Variants in REV3L observed in about 807,000 individuals in gnomAD.
REV3L encodes the protein REV3 like, DNA directed polymerase zeta catalytic subunit.
REV3L carries 69 observed loss-of-function variants against 299.4 expected under a neutral mutation model. That is an observed-to-expected ratio of 0.23 (90% CI 0.19 to 0.28). The LOEUF (loss-of-function observed/expected upper bound fraction) is 0.28. REV3L is among the 10% of genes least tolerant of loss of function. The pLI is 1.00. For missense variants in REV3L, 3,128 were observed against 3,693.8 expected (o/e 0.85, Z 3.97); for synonymous variants, 1,238 against 1,271.4 (o/e 0.97, Z 0.56).
intron 26 of REV3L, among the ~76,000 whole-genome samples, chr6:111,316,224 TAA>T (rs75805183): frequency 5.7e-4 from 59 of 104,114 alleles, no homozygotes; most frequent in Non-Finnish European, 5.8e-4. Context: ...GGACTCCATC[TAA>T]AAAAAAAAAA....
intron 18 of REV3L, among the ~76,000 whole-genome samples, chr6:111,356,357 TTAA>T (rs1405806038): frequency 6.6e-6 from 1 of 152,176 alleles, no homozygotes; most frequent in African/African-American, 2.4e-5. Flanking sequence ...AATTATCCAC[TTAA>T]TGATTTTATT....
At chr6:111,449,490 C>G (rs917529947) in intron 1 of REV3L, among the ~76,000 whole-genome samples, 2 of 152,116 alleles carry the variant, frequency 1.3e-5, no homozygotes, top group Admixed American at 6.5e-5. Context: ...GTACCTAAAG[C>G]AGAAAAATAA....
intron 9 of REV3L, among the ~76,000 whole-genome samples, chr6:111,386,883 G>A (rs140834896): frequency 7.2e-4 from 109 of 151,718 alleles, no homozygotes; most frequent in Middle Eastern, 3.4e-3. Flanking sequence ...CACCACGCCC[G>A]GCTAATTTTT....
chr6:111,343,388 C>A (rs2114902596), intron 21 of REV3L, among the ~76,000 whole-genome samples: 1 of 152,170 alleles, frequency 6.6e-6, no homozygotes, highest in East Asian at 1.9e-4. Flanking sequence ...TAGTAATTAT[C>A]TAGATGATTA....
chr6:111,468,497 C>G (rs922709145), intron 1 of REV3L, among the ~76,000 whole-genome samples: 5 of 152,056 alleles, frequency 3.3e-5, no homozygotes, highest in African/African-American at 9.7e-5. Flanking sequence ...GAAGGAAATA[C>G]CATAAGGGCC....
At position 111,374,850 on chromosome 6, in the gene REV3L, G is replaced by T; in HGVS notation, c.3505C>A (p.Arg1169Ser). 1.2e-6 allele frequency: 2 copies of T among 1,613,752 alleles called. No homozygotes were observed. Among genetic ancestry groups the T allele is most frequent in the South Asian group, 2.2e-5 (2 of 90,984 alleles). Reference protein sequence around the residue: ...TVNSRIGKTSRARAQIKKSKA... With the variant: ...TVNSRIGKTSSARAQIKKSKA... ...GATTTCTTAATCTGTGCTCTTGCGCGACTAGTTTTTCCTATACGAGAATTA... is the reference window on the plus strand; with the variant it reads ...GATTTCTTAATCTGTGCTCTTGCGCTACTAGTTTTTCCTATACGAGAATTA... The change falls in exon 13 of 32, where the codon CGC becomes AGC. Residue 1169 changes from arginine (R) to serine (S), a missense_variant. Around this residue, in one of 9 missense-constraint regions of REV3L, gnomAD observed 2,409 missense variants for 2,611.8 expected, o/e 0.92. Transcript: ENST00000368802.
chr6:111,409,938 T>C (rs1156316274), intron 3 of REV3L, among the ~76,000 whole-genome samples: 1 of 152,224 alleles, frequency 6.6e-6, no homozygotes, highest in Non-Finnish European at 1.5e-5. Context: ...CCCCAGCTTG[T>C]TGTAAGTTCC....
intron 1 of REV3L, chr6:111,430,630 G>C: frequency 6.6e-7 from 1 of 1,526,258 alleles, no homozygotes; most frequent in Non-Finnish European, 9.1e-7. Context: ...GGGGAGGACA[G>C]AGGCTGCTGG....
At chr6:111,354,862 G>A (rs79699336) in intron 18 of REV3L, among the ~76,000 whole-genome samples, 1 of 151,962 alleles carries the variant, frequency 6.6e-6, no homozygotes, top group Non-Finnish European at 1.5e-5. Flanking sequence ...TTCACAGTTA[G>A]TATTTTAAGT....
intron 1 of REV3L, among the ~76,000 whole-genome samples, chr6:111,442,094 AT>A (rs1788332393): frequency 6.6e-6 from 1 of 152,208 alleles, no homozygotes; most frequent in South Asian, 2.1e-4. Flanking sequence ...CAAATGTTAC[AT>A]GTGACCTTGT....
At chr6:111,445,289 C>G (rs1788712900) in intron 1 of REV3L, among the ~76,000 whole-genome samples, 1 of 152,106 alleles carries the variant, frequency 6.6e-6, no homozygotes, top group Non-Finnish European at 1.5e-5. Context: ...TGCTCACTAC[C>G]TGGGTAACGG....
At chr6:111,475,031 TTTA>T (rs1046024419) in intron 1 of REV3L, among the ~76,000 whole-genome samples, 18 of 147,088 alleles carry the variant, frequency 1.2e-4, no homozygotes, top group Non-Finnish European at 2.2e-4. Context: ...ACATATGGAT[TTTA>T]TTATAATAAA....
At chr6:111,378,725 AT>A (rs1780548382) in intron 11 of REV3L, among the ~76,000 whole-genome samples, 1 of 152,078 alleles carries the variant, frequency 6.6e-6, no homozygotes, top group Non-Finnish European at 1.5e-5. Context: ...CATGATTCCT[AT>A]TTTGTTCTCT....
intron 21 of REV3L, among the ~76,000 whole-genome samples, chr6:111,338,066 A>G (rs888032523): frequency 1.4e-4 from 21 of 152,152 alleles, no homozygotes; most frequent in African/African-American, 4.8e-4. Flanking sequence ...AACATGAGAA[A>G]AATAAGTGTT....
chr6:111,351,806 TA>T lies in REV3L; in HGVS notation c.7185-16del. The T allele has an allele frequency of 1.3e-6, 2 of 1,525,120 alleles. No individual in the cohort carries two copies. The highest frequency in any genetic ancestry group is 1.8e-6 in the Non-Finnish European group (2 of 1,102,118). 94.5% of individuals were successfully genotyped at this position (1,525,120 alleles called of 1,614,324 possible). A position where few individuals can be genotyped will look rare whatever the true frequency, so the allele number is the denominator to read the frequency against. Reference sequence around the variant, plus strand: ...CAGGATCATACCTAAAAAAGGAATTTAAAAAAGTTATATAAGTACCATACAT... The same window carrying T: ...CAGGATCATACCTAAAAAAGGAATTTAAAAAGTTATATAAGTACCATACAT... On this transcript the variant is annotated splice_polypyrimidine_tract_variant and intron_variant, in intron 18 of 31. Transcript: ENST00000368802.
At position 111,482,988 on chromosome 6, in the gene REV3L, T is replaced by A; in HGVS notation, c.-100A>T. ...GCAGCGGCGGCGGCGCCCCCTCCCC[T>A]TCTCGGCACGGCCCCCTCCCCTCAC... is the stretch of plus-strand genomic sequence containing the variant. On this transcript the variant is annotated 5_prime_UTR_variant, in exon 1 of 32. In the 5' UTR this introduces an upstream ATG that the reference lacks. Transcript: ENST00000368802. The A allele has an allele frequency of 7.5e-7, 1 of 1,333,734 alleles. No homozygotes were observed. Among genetic ancestry groups the A allele is most frequent in the Non-Finnish European group, 9.8e-7 (1 of 1,025,448 alleles). The allele number at this position is 1,333,734 out of a possible 1,614,324, so 82.6% of individuals were successfully genotyped here. A position where few individuals can be genotyped will look rare whatever the true frequency, so the allele number is the denominator to read the frequency against.
intron 18 of REV3L, chr6:111,354,015 C>CGTG (rs755158671): frequency 3.3e-5 from 5 of 152,188 alleles, no homozygotes; most frequent in Non-Finnish European, 5.9e-5. Flanking sequence ...AGAACCCACA[C>CGTG]AGTTGTCTGC....
intron 4 of REV3L, among the ~76,000 whole-genome samples, chr6:111,396,562 T>C (rs1272396640): frequency 2.0e-5 from 3 of 152,110 alleles, no homozygotes; most frequent in Non-Finnish European, 4.4e-5. Flanking sequence ...TTGAGAAGAA[T>C]TGGTGTTAGT....
At chr6:111,349,791 A>C (rs1224741678) in intron 19 of REV3L, among the ~76,000 whole-genome samples, 1 of 152,202 alleles carries the variant, frequency 6.6e-6, no homozygotes, top group African/African-American at 2.4e-5. Flanking sequence ...TTAATCTGGT[A>C]ATTTCTTGGA....
Sources: allele counts gnomAD v4.1 joint callset (sites outside exome capture counted in the v4.1 genomes callset), GRCh38; gene constraint gnomAD v4.1.1; regional missense constraint gnomAD v4.1.1; transcripts MANE v1.5; gene names NCBI Gene and HGNC (gene_info 2026-07-23, HGNC 2026-07-21).